The following GSDME variants were observed in gnomAD, a reference collection of about 807,000 sequenced individuals.
GSDME encodes the protein gasdermin E, also known as gasdermin-E.
Under a neutral mutation model 47.5 loss-of-function variants are expected in GSDME, and 44 were observed. The observed-to-expected ratio is 0.93, with a 90% CI of 0.73 to 1.19. The LOEUF (loss-of-function observed/expected upper bound fraction) is 1.19. Ranked by LOEUF, GSDME falls within the 50% of genes most tolerant of loss-of-function variation. The pLI is 0.00. For missense variants in GSDME, 663 were observed against 604.2 expected (o/e 1.10, Z -1.02); for synonymous variants, 258 against 252.8 (o/e 1.02, Z -0.20).
the GSDME span, among the ~76,000 whole-genome samples, chr7:24,785,799 C>T: frequency 6.6e-6 from 1 of 152,214 alleles, no homozygotes; most frequent in African/African-American, 2.4e-5. Flanking sequence ...TCTTAGGCTG[C>T]CACTTCCTAT....
At position 24,744,476 on chromosome 7, in the gene GSDME, C is replaced by T; in HGVS notation, c.404+86G>A. On this transcript the variant is annotated intron_variant, in intron 3 of 9. Transcript: ENST00000645220. The surrounding 1 kb of genome is among the most constrained non-coding windows in gnomAD (Gnocchi z 4.5). ...GTTTATTGATCGGCAGAGATCAAAT[C>T]TGTCGCCCTTTTAACAAAGGTCCAA... The T allele has an allele frequency of 7.2e-7, 1 of 1,389,194 alleles. No homozygotes were observed. The highest frequency in any genetic ancestry group is 1.7e-5 in the Admixed American group (1 of 59,772). The allele number at this position is 1,389,194 out of a possible 1,614,324, so 86.1% of individuals were successfully genotyped here. A position where few individuals can be genotyped will look rare whatever the true frequency, so the allele number is the denominator to read the frequency against.
At chr7:24,707,931 A>G in intron 7 of GSDME, 196 bp downstream of exon 7, 2 of 642,486 alleles carry the variant, frequency 3.1e-6, no homozygotes, top group South Asian at 4.1e-5. Flanking sequence ...AGGCAGCCCT[A>G]GGAAATTAAC....
chr7:24,766,178 ATTAT>A, the GSDME span, among the ~76,000 whole-genome samples: 1 of 113,476 alleles, frequency 8.8e-6, no homozygotes, highest in Non-Finnish European at 1.8e-5. The surrounding 1 kb of genome is among the most constrained non-coding windows in gnomAD (Gnocchi z 4.2). Context: ...ATTAAATTAC[ATTAT>A]TTGTGTGTGT....
Position 24,702,934 on chromosome 7 carries a change from G to A in GSDME, c.1184-101C>T, listed in dbSNP as rs2240005. On this transcript the variant is annotated intron_variant, in intron 8 of 9. Coordinates refer to ENST00000645220, the MANE Select transcript of GSDME (RefSeq NM_001127453.2). ...CTAACTTATATTTTAGTACTTTCCCGCCAGCCAGGCAGGGGAGGTACTCAG... is the reference window on the plus strand; with the variant it reads ...CTAACTTATATTTTAGTACTTTCCCACCAGCCAGGCAGGGGAGGTACTCAG... 244,312 of 970,470 alleles carry A rather than the reference G, an allele frequency of 0.25. 32,903 individuals are homozygous for A. The highest frequency in any genetic ancestry group is 0.47 in the African/African-American group (29,551 of 62,490). The allele number at this position is 970,470 out of a possible 1,614,324, so 60.1% of individuals were successfully genotyped here. A position where few individuals can be genotyped will look rare whatever the true frequency, so the allele number is the denominator to read the frequency against.
At chr7:24,710,034 C>A (rs867791230) in intron 6 of GSDME, among the ~76,000 whole-genome samples, 190 bp downstream of exon 6, 10 of 152,184 alleles carry the variant, frequency 6.6e-5, no homozygotes, top group African/African-American at 2.4e-4. Context: ...CACCCACAAC[C>A]TGGGGCTCCC....
Position 24,714,814 on chromosome 7 carries a change from C to T in GSDME, c.697+2440G>A, listed in dbSNP as rs1017077599. On this transcript the variant is annotated intron_variant, in intron 5 of 9. Coordinates refer to ENST00000645220, the MANE Select transcript of GSDME (RefSeq NM_001127453.2). This position sits in a 1 kb window ranked among gnomAD's most constrained non-coding sequence, Gnocchi z 5.0. Reference sequence around the variant, plus strand: ...AGGAGGAAGCTCGCATGGGGACCACCACCTAGAGTGGCAGCCCAGGCCTGG... The same window carrying T: ...AGGAGGAAGCTCGCATGGGGACCACTACCTAGAGTGGCAGCCCAGGCCTGG... Among the ~76,000 whole-genome samples, 1 of 152,184 alleles carries T rather than the reference C, an allele frequency of 6.6e-6. No homozygotes were observed. The highest frequency in any genetic ancestry group is 2.1e-4 in the South Asian group (1 of 4,832).
At chr7:24,770,936 C>A in the GSDME span, among the ~76,000 whole-genome samples, 1 of 148,722 alleles carries the variant, frequency 6.7e-6, no homozygotes, top group African/African-American at 2.5e-5. This position sits in a 1 kb window ranked among gnomAD's most constrained non-coding sequence, Gnocchi z 4.6. Flanking sequence ...GTAACATTAG[C>A]GTAATGGAAA....
rs1053145268 is a variant in GSDME, at chr7:24,714,829, C to A, written c.697+2425G>T. Among the ~76,000 whole-genome samples, 7 of 152,152 alleles carry A rather than the reference C, an allele frequency of 4.6e-5. No homozygotes were observed. Among genetic ancestry groups the A allele is most frequent in the Non-Finnish European group, 2.9e-5 (2 of 68,024 alleles). Reference sequence around the variant, plus strand: ...TGGGGACCACCACCTAGAGTGGCAGCCCAGGCCTGGGTCCCCGCCACCGAA... The same window carrying A: ...TGGGGACCACCACCTAGAGTGGCAGACCAGGCCTGGGTCCCCGCCACCGAA... On this transcript the variant is annotated intron_variant, in intron 5 of 9. Transcript: ENST00000645220. This position sits in a 1 kb window ranked among gnomAD's most constrained non-coding sequence, Gnocchi z 5.0.
rs920214893 is a variant in GSDME at position 24,749,553 on chromosome 7, A to G, written c.211+11T>C. 23 of 1,603,276 alleles carry G rather than the reference A, an allele frequency of 1.4e-5. No homozygotes were observed. The highest frequency in any genetic ancestry group is 2.7e-5 in the African/African-American group (2 of 74,744). On this transcript the variant is annotated intron_variant, in intron 2 of 9. Transcript: ENST00000645220. Reference sequence around the variant, plus strand: ...CGAGACTAATTATAGAATATACCCAAGGAAACATACCTGGACTCGGAAATT... The same window carrying G: ...CGAGACTAATTATAGAATATACCCAGGGAAACATACCTGGACTCGGAAATT...
intron 3 of GSDME, among the ~76,000 whole-genome samples, chr7:24,722,062 A>G (rs1475002526): frequency 2.0e-5 from 3 of 152,192 alleles, no homozygotes. Context: ...TTATCTGCTC[A>G]TGGCCTGCCT....
At chr7:24,757,771 C>T (rs577308864), upstream of GSDME, 3 of 152,546 alleles carry the variant, frequency 2.0e-5, no homozygotes, top group South Asian at 6.2e-4. The surrounding 1 kb of genome is among the most constrained non-coding windows in gnomAD (Gnocchi z 5.9). Context: ...CGCCTCGCCT[C>T]TTCGCTGCGC....
chr7:24,770,199 T>C, the GSDME span, among the ~76,000 whole-genome samples: 1 of 152,230 alleles, frequency 6.6e-6, no homozygotes. The surrounding 1 kb of genome is among the most constrained non-coding windows in gnomAD (Gnocchi z 4.6). Flanking sequence ...GCCTACATCA[T>C]GGAACCTCCA....
the GSDME span, among the ~76,000 whole-genome samples, chr7:24,776,967 A>G: frequency 2.0e-5 from 3 of 152,098 alleles, no homozygotes; most frequent in Non-Finnish European, 4.4e-5. Flanking sequence ...TCTTCCTTTT[A>G]GCTTATAATT....
At chr7:24,764,423 C>T in the GSDME span, among the ~76,000 whole-genome samples, 1 of 152,012 alleles carries the variant, frequency 6.6e-6, no homozygotes, top group South Asian at 2.1e-4. This position sits in a 1 kb window ranked among gnomAD's most constrained non-coding sequence, Gnocchi z 4.4. Flanking sequence ...TTTTTTCTCC[C>T]CCAAAGAACT....
Position 24,756,215 on chromosome 7 carries a change from A to G in GSDME, c.-20+1181T>C, listed in dbSNP as rs1291282089. Among the ~76,000 whole-genome samples the G allele has an allele frequency of 1.3e-5, 2 of 152,204 alleles. No individual in the cohort carries two copies. The highest frequency in any genetic ancestry group is 2.9e-5 in the Non-Finnish European group (2 of 68,034). On this transcript the variant is annotated intron_variant, in intron 1 of 9. Transcript: ENST00000645220. This position sits in a 1 kb window ranked among gnomAD's most constrained non-coding sequence, Gnocchi z 4.2. ...AACAGAGGGCAGTCTGGGTAAGAATAGAGAAGATGCGGTGTGGTGGCAGGC... is the reference window on the plus strand; with the variant it reads ...AACAGAGGGCAGTCTGGGTAAGAATGGAGAAGATGCGGTGTGGTGGCAGGC...
Position 24,732,317 on chromosome 7 carries a change from C to T in GSDME, c.404+12245G>A, listed in dbSNP as rs893424029. Among the ~76,000 whole-genome samples, 2 of 152,192 alleles carry T rather than the reference C, an allele frequency of 1.3e-5. No individual in the cohort carries two copies. Among genetic ancestry groups the T allele is most frequent in the Non-Finnish European group, 2.9e-5 (2 of 68,040 alleles). On this transcript the variant is annotated intron_variant, in intron 3 of 9. Transcript: ENST00000645220. This position sits in a 1 kb window ranked among gnomAD's most constrained non-coding sequence, Gnocchi z 4.8. ...TTTGTTTTTTCCAAGAAAGACATGG[C>T]TCCTCAAATCTTTCTCCTTGAAAAA...
rs911819927 is a variant in GSDME at position 24,701,874 on chromosome 7, A to C, written c.1257+886T>G. On this transcript the variant is annotated intron_variant, in intron 9 of 9. Transcript: ENST00000645220. ...TGCATAGTCTTCTAATGTCTTTGCTATGCACAAAGGCACCAACCACATTAC... is the reference window on the plus strand; with the variant it reads ...TGCATAGTCTTCTAATGTCTTTGCTCTGCACAAAGGCACCAACCACATTAC... Among the ~76,000 whole-genome samples, 5 of 152,180 alleles carry C rather than the reference A, an allele frequency of 3.3e-5. No homozygotes were observed. In the East Asian group the frequency reaches 7.7e-4, roughly 23 times the overall value.
At position 24,721,641 on chromosome 7, in the gene GSDME, C is replaced by T. The variant is rs894500040; in HGVS notation, c.405-2423G>A. Among the ~76,000 whole-genome samples, 5 of 152,222 alleles carry T rather than the reference C, an allele frequency of 3.3e-5. No homozygotes were observed. Among genetic ancestry groups the T allele is most frequent in the African/African-American group, 1.2e-4 (5 of 41,448 alleles). On this transcript the variant is annotated intron_variant, in intron 3 of 9. Transcript: ENST00000645220. The surrounding 1 kb of genome is among the most constrained non-coding windows in gnomAD (Gnocchi z 4.1). Reference sequence around the variant, plus strand: ...ATGCCACACAAACACTAGCTGGCTCCGCCCACCTTCCCGTGTCCCTCTATG... The same window carrying T: ...ATGCCACACAAACACTAGCTGGCTCTGCCCACCTTCCCGTGTCCCTCTATG...
At position 24,705,868 on chromosome 7, in the gene GSDME, G is replaced by T; in HGVS notation, c.1183+316C>A. 2.3e-6 allele frequency: 1 copy of T among 441,868 alleles called. No individual in the cohort carries two copies. The highest frequency in any genetic ancestry group is 2.1e-5 in the South Asian group (1 of 47,470). The allele number at this position is 441,868 out of a possible 1,614,324, so 27.4% of individuals were successfully genotyped here. ...CACTCAGCTCTGCTGGGACTCCGGA[G>T]TGAACCACAGCCTGTCAGGGAGATG... On this transcript the variant is annotated intron_variant, in intron 8 of 9. Transcript: ENST00000645220. This position sits in a 1 kb window ranked among gnomAD's most constrained non-coding sequence, Gnocchi z 4.1.
Sources: gnomAD v4.1 joint callset for allele counts (sites outside exome capture counted in the v4.1 genomes callset) on GRCh38, gnomAD v4.1.1 for gene constraint, Gnocchi (gnomAD v3.1) non-coding constraint, MANE v1.5 for transcripts, NCBI Gene and HGNC (gene_info 2026-07-23, HGNC 2026-07-21) for gene names.